COL12A1: variants seen among roughly 807,000 people sequenced by gnomAD.
COL12A1 encodes collagen type XII alpha 1 chain.
In COL12A1, 114 loss-of-function variants were observed where a neutral mutation model predicts 349.7. The observed-to-expected ratio is 0.33, with a 90% CI of 0.28 to 0.38. The LOEUF is 0.38. Ranked by LOEUF, COL12A1 falls within the 10% of genes least tolerant of loss-of-function variation. The pLI, the probability that COL12A1 is intolerant of heterozygous loss-of-function variation, is 1.00. For missense variants in COL12A1, 3,284 were observed against 3,756.9 expected (o/e 0.87, Z 3.29); for synonymous variants, 1,369 against 1,329.0 (o/e 1.03, Z -0.66).
Position 75,194,908 on chromosome 6 carries a change from T to G in COL12A1, c.113A>C (p.Glu38Ala), listed in dbSNP as rs200828190. The G allele has an allele frequency of 5.2e-5, 84 of 1,609,516 alleles. No homozygotes were observed. The East Asian group carries it at 1.8e-3, about 35-fold the overall frequency. The part of the protein sequence containing the change: ...PSDLNFKIID[E>A]NTVHMSWAKP... ...TGCCCATGACATATGAACAGTATTT[T>G]CATCTATAATTTTAAAATTCAAGTC... Residue 38 changes from glutamate (E) to alanine (A), a missense_variant, in exon 3 of 66, where the codon GAA becomes GCA. By Grantham distance (107) the Glu-to-Ala change is moderately radical. Around this residue, in one of 2 missense-constraint regions of COL12A1, gnomAD observed 2,601 missense variants for 2,824.8 expected, o/e 0.92. Coordinates refer to ENST00000322507, the MANE Select transcript of COL12A1 (RefSeq NM_004370.6).
At chr6:75,099,244 A>G (rs1355085233) in intron 58 of COL12A1, among the ~76,000 whole-genome samples, 1 of 152,216 alleles carries the variant, frequency 6.6e-6, no homozygotes, top group Admixed American at 6.5e-5. Context: ...AGAAACTTTT[A>G]GGGATAAGAT....
rs530562613 is a variant in COL12A1 at position 75,194,913 on chromosome 6, T to G, written c.108A>C (p.Ile36=). The change falls in exon 3 of 66, where the codon ATA becomes ATC. Residue 36 remains isoleucine (I), a synonymous_variant. Coordinates refer to ENST00000322507, the MANE Select transcript of COL12A1 (RefSeq NM_004370.6). Reference sequence around the variant, plus strand: ...ATGACATATGAACAGTATTTTCATCTATAATTTTAAAATTCAAGTCTGAAG... The same window carrying G: ...ATGACATATGAACAGTATTTTCATCGATAATTTTAAAATTCAAGTCTGAAG... ...DPPSDLNFKI[I]DENTVHMSWA... is the part of the protein sequence containing the mutation. The G allele has an allele frequency of 2.4e-5, 38 of 1,608,414 alleles. No homozygotes were observed. Among genetic ancestry groups the G allele is most frequent in the Non-Finnish European group, 3.0e-5 (35 of 1,177,396 alleles).
chr6:75,103,058 A>G (rs964867305), intron 55 of COL12A1, among the ~76,000 whole-genome samples: 1 of 152,160 alleles, frequency 6.6e-6, no homozygotes, highest in Admixed American at 6.5e-5. Context: ...CTTAGACTTC[A>G]GCTTATTTCT....
At chr6:75,163,322 C>G (rs1211971802) in intron 14 of COL12A1, among the ~76,000 whole-genome samples, 1 of 152,174 alleles carries the variant, frequency 6.6e-6, no homozygotes, top group Non-Finnish European at 1.5e-5. Context: ...CCATGGAATA[C>G]TATGCAGCCA....
At chr6:75,125,798 T>C (rs80316538) in intron 39 of COL12A1, among the ~76,000 whole-genome samples, 95 of 152,284 alleles carry the variant, frequency 6.2e-4, no homozygotes, top group Non-Finnish European at 1.3e-3. Context: ...TTCTAGTTCA[T>C]ACTCTTACTG....
In COL12A1 at chr6:75,192,318, G is replaced by C. The variant is rs1432448789; in HGVS notation, c.228C>G (p.Thr76=). 1 of 1,611,458 alleles carries C rather than the reference G, an allele frequency of 6.2e-7. No individual in the cohort carries two copies. Among genetic ancestry groups the C allele is most frequent in the Non-Finnish European group, 8.5e-7 (1 of 1,178,420 alleles). The change falls in exon 4 of 66, where the codon ACC becomes ACG. Residue 76 remains threonine (T), a synonymous_variant. Transcript: ENST00000322507. ...CAAGTTCTGACAATAAAGTTTCAGT[G>C]GTACTAGCTGAAAGGGTAAATTCTT... ...PTKEFTLSAS[T]TETLLSELVP...
chr6:75,141,560 C>A (rs1582120505), intron 27 of COL12A1, among the ~76,000 whole-genome samples: 2 of 152,276 alleles, frequency 1.3e-5, no homozygotes, highest in East Asian at 3.9e-4. Context: ...CTTACATGAT[C>A]CCATGTATTC....
chr6:75,134,997 A>G, intron 31 of COL12A1, 142 bp from the exon 32 acceptor site: 1 of 735,282 alleles, frequency 1.4e-6, no homozygotes, highest in Non-Finnish European at 2.0e-6. Context: ...GGTTTAACAT[A>G]CACCTTGTGG....
intron 8 of COL12A1, among the ~76,000 whole-genome samples, chr6:75,187,508 G>C (rs1279337057): frequency 6.6e-6 from 1 of 152,116 alleles, no homozygotes; most frequent in East Asian, 1.9e-4. Flanking sequence ...AGGTGAGTGA[G>C]ATGGATTTTA....
chr6:75,149,610 T>C (rs969514289), intron 21 of COL12A1, among the ~76,000 whole-genome samples: 3 of 151,992 alleles, frequency 2.0e-5, no homozygotes, highest in Non-Finnish European at 2.9e-5. Context: ...ATGGCCCAAA[T>C]AATAATTAAA....
chr6:75,107,381 C>T (rs1562126696), intron 52 of COL12A1, among the ~76,000 whole-genome samples: 1 of 152,148 alleles, frequency 6.6e-6, no homozygotes, highest in East Asian at 1.9e-4. Context: ...AGAGATTCTC[C>T]TGCCTCAGCC....
At chr6:75,123,882 C>A in intron 42 of COL12A1, 66 bp downstream of exon 42, 1 of 1,507,938 alleles carries the variant, frequency 6.6e-7, no homozygotes, top group Non-Finnish European at 8.9e-7. Context: ...TCACTTAAGT[C>A]TTCCTTACCT....
chr6:75,085,117 TGC>T lies in COL12A1; in HGVS notation c.*1428_*1429del. On this transcript the variant is annotated 3_prime_UTR_variant, in exon 66 of 66. Coordinates refer to ENST00000322507, the MANE Select transcript of COL12A1 (RefSeq NM_004370.6). ...GAAACACCTCAGAAAAGACGTACAC[TGC>T]TCTATCTGACCTGTAAATGAGAATT... 2.5e-6 allele frequency: 1 copy of T among 406,340 alleles called. No individual in the cohort carries two copies. Among genetic ancestry groups the T allele is most frequent in the Middle Eastern group, 8.1e-4 (1 of 1,240 alleles). 25.2% of individuals were successfully genotyped at this position (406,340 alleles called of 1,614,324 possible).
At chr6:75,176,626 C>T (rs187935392) in intron 12 of COL12A1, among the ~76,000 whole-genome samples, 92 of 152,278 alleles carry the variant, frequency 6.0e-4, no homozygotes, top group African/African-American at 2.2e-3. Flanking sequence ...AACTCAGATT[C>T]ACCATTTATT....
At chr6:75,087,246 A>G in intron 65 of COL12A1, 1 of 346,702 alleles carries the variant, frequency 2.9e-6, no homozygotes, top group Non-Finnish European at 5.1e-6. Flanking sequence ...TTACAGTTGT[A>G]TTTAACAAAT....
Position 75,117,409 on chromosome 6 carries a change from T to C in COL12A1, c.7492A>G (p.Thr2498Ala). 6.2e-7 allele frequency: 1 copy of C among 1,613,632 alleles called. No individual in the cohort carries two copies. Among genetic ancestry groups the C allele is most frequent in the Non-Finnish European group, 8.5e-7 (1 of 1,179,618 alleles). The change falls in exon 47 of 66, where the codon ACA becomes GCA. Residue 2498 changes from threonine (T) to alanine (A), a missense_variant. Thr to Ala is a moderately conservative substitution (Grantham distance 58). This residue lies in a region of COL12A1 where 683 missense variants were observed against 932.1 expected (regional missense o/e 0.73). Transcript: ENST00000322507. Reference sequence around the variant, plus strand: ...GAAGTGGCAGTTTCACAAACAAATGTAATAAGATTGTCTTCGATCTTCTCA... The same window carrying C: ...GAAGTGGCAGTTTCACAAACAAATGCAATAAGATTGTCTTCGATCTTCTCA... ...SFEKIEDNLI[T>A]FVCETATSSC...
At chr6:75,098,816 CAG>C (rs1768172719) in intron 58 of COL12A1, among the ~76,000 whole-genome samples, 1 of 152,200 alleles carries the variant, frequency 6.6e-6, no homozygotes, top group Non-Finnish European at 1.5e-5. Flanking sequence ...CAGGCAGGAA[CAG>C]AGCACATCTC....
chr6:75,154,413 T>C lies in COL12A1; in HGVS notation c.3565+3A>G. The stretch of plus-strand genomic sequence containing the variant: ...CCTCAAGGAATGTAACTCAATTTCT[T>C]ACCAGAAGATAAAATTGGCATAACA... On this transcript the variant is annotated splice_donor_region_variant and intron_variant, in intron 17 of 65. Transcript: ENST00000322507. 1 of 1,610,434 alleles carries C rather than the reference T, an allele frequency of 6.2e-7. No individual in the cohort carries two copies. The highest frequency in any genetic ancestry group is 8.5e-7 in the Non-Finnish European group (1 of 1,177,862).
At chr6:75,195,376 T>C (rs1443029040) in intron 2 of COL12A1, among the ~76,000 whole-genome samples, 1 of 152,116 alleles carries the variant, frequency 6.6e-6, no homozygotes, top group Non-Finnish European at 1.5e-5. Flanking sequence ...ACCAGAGAAG[T>C]TAATTCAAAA....
Sources: allele counts gnomAD v4.1 joint callset (sites outside exome capture counted in the v4.1 genomes callset), GRCh38; gene constraint gnomAD v4.1.1; regional missense constraint gnomAD v4.1.1; transcripts MANE v1.5; gene names NCBI Gene and HGNC (gene_info 2026-07-23, HGNC 2026-07-21).